Variants in RHOBTB2 observed in about 807,000 individuals in gnomAD.
RHOBTB2 encodes rho-related BTB domain-containing protein 2.
A neutral mutation model predicts 66.5 loss-of-function variants in RHOBTB2; 39 were observed. The ratio of observed to expected loss-of-function variants is 0.59; its 90% CI spans 0.45 to 0.77. The LOEUF (loss-of-function observed/expected upper bound fraction) is 0.77. Among genes scored for constraint, RHOBTB2 ranks in the 30% least tolerant of loss-of-function variants. The pLI, the probability that RHOBTB2 is intolerant of heterozygous loss-of-function variation, is 0.00. For missense variants in RHOBTB2, 755 were observed against 999.1 expected (o/e 0.76, Z 3.29); for synonymous variants, 390 against 395.0 (o/e 0.99, Z 0.15).
intron 7 of RHOBTB2, among the ~76,000 whole-genome samples, chr8:23,012,595 A>G (rs953000757): frequency 2.0e-5 from 3 of 152,188 alleles, no homozygotes; most frequent in Non-Finnish European, 2.9e-5. Context: ...TATTAAACAT[A>G]TGTTCAGGTT....
upstream of RHOBTB2, chr8:22,999,493 C>T (rs1810690493): frequency 1.0e-5 from 10 of 980,704 alleles, no homozygotes; most frequent in South Asian, 1.1e-4. Context: ...TCTTCCCCCG[C>T]CCGCCCCCTC....
chr8:22,991,065 T>C (rs1810414181), intron 1 of RHOBTB2, among the ~76,000 whole-genome samples: 1 of 152,110 alleles, frequency 6.6e-6, no homozygotes, highest in Non-Finnish European at 1.5e-5. Context: ...TAGCTTAAAA[T>C]TTGTCACTCT....
At chr8:23,011,789 G>C (rs1021693042) in intron 7 of RHOBTB2, among the ~76,000 whole-genome samples, 1 of 152,206 alleles carries the variant, frequency 6.6e-6, no homozygotes, top group Non-Finnish European at 1.5e-5. Flanking sequence ...TCTTGCATAG[G>C]TCGGGGACAG....
chr8:22,968,895 C>CA, the RHOBTB2 span, among the ~76,000 whole-genome samples: 2,387 of 138,764 alleles, frequency 0.017, 75 homozygotes, highest in African/African-American at 0.057. Context: ...AGAATAAAAG[C>CA]AAAAAAAAAA....
At chr8:23,015,575 G>T in intron 8 of RHOBTB2, 63 bp from the exon 9 acceptor site, 1 of 1,136,352 alleles carries the variant, frequency 8.8e-7, no homozygotes, top group Non-Finnish European at 1.3e-6. Context: ...GCAGCTGGAG[G>T]TGTCTATGCA....
In RHOBTB2 at chr8:23,004,458, A is replaced by C; in HGVS notation, c.24A>C (p.Glu8Asp). The C allele has an allele frequency of 1.2e-6, 2 of 1,614,170 alleles. No individual in the cohort carries two copies. The highest frequency in any genetic ancestry group is 1.7e-6 in the Non-Finnish European group (2 of 1,180,018). ...TAATGGATTCTGACATGGATTATGA[A>C]AGGCCAAACGTAGAGACCATCAAGT... MDSDMDY[E>D]RPNVETIKCV... The change falls in exon 2 of 10, where the codon GAA becomes GAC. Residue 8 changes from glutamate (E) to aspartate (D), a missense_variant. Around this residue, in one of 7 missense-constraint regions of RHOBTB2, gnomAD observed 65 missense variants for 152.4 expected, o/e 0.43. Coordinates refer to ENST00000251822, the MANE Select transcript of RHOBTB2 (RefSeq NM_015178.3). The surrounding 1 kb of genome is among the most constrained non-coding windows in gnomAD (Gnocchi z 6.4).
chr8:22,995,839 G>A (rs764194797), upstream of RHOBTB2: 46 of 1,551,378 alleles, frequency 3.0e-5, no homozygotes, highest in Middle Eastern at 5.0e-4. Context: ...GGTGGGCTCC[G>A]CAGAGGCTGT....
upstream of RHOBTB2, among the ~76,000 whole-genome samples, chr8:22,995,369 G>C (rs1341208743): frequency 6.6e-6 from 1 of 152,226 alleles, no homozygotes; most frequent in Non-Finnish European, 1.5e-5. Context: ...GGACAGAGAA[G>C]AACCCAATGA....
intron 2 of RHOBTB2, chr8:22,994,489 C>A (rs1268434214): frequency 1.4e-5 from 12 of 881,208 alleles, no homozygotes; most frequent in Non-Finnish European, 1.8e-5. Context: ...GAGTAATTCG[C>A]GGTGTGCTCA....
chr8:22,994,784 G>C (rs1266437125), upstream of RHOBTB2: 3 of 653,140 alleles, frequency 4.6e-6, no homozygotes, highest in Non-Finnish European at 5.3e-6. Context: ...TTCTTTTTGA[G>C]ACAGAGTCTC....
At chr8:23,007,916 G>C in intron 5 of RHOBTB2, 77 bp from the exon 6 acceptor site, 1 of 1,500,302 alleles carries the variant, frequency 6.7e-7, no homozygotes, top group Admixed American at 1.7e-5. Context: ...GGTTCAGGAG[G>C]AGGCTCCGTG....
chr8:22,961,959 A>C, the RHOBTB2 span, among the ~76,000 whole-genome samples: 1 of 152,210 alleles, frequency 6.6e-6, no homozygotes, highest in Non-Finnish European at 1.5e-5. Context: ...TTTGAAAAAA[A>C]ATAGATACAT....
chr8:22,960,376 T>G, the RHOBTB2 span, among the ~76,000 whole-genome samples: 1 of 145,490 alleles, frequency 6.9e-6, no homozygotes, highest in African/African-American at 2.5e-5. Context: ...TGGAGTGCAG[T>G]GGTGCCATCT....
At chr8:22,971,732 C>T in the RHOBTB2 span, among the ~76,000 whole-genome samples, 1 of 152,162 alleles carries the variant, frequency 6.6e-6, no homozygotes, top group African/African-American at 2.4e-5. Flanking sequence ...TTTCCTTCCA[C>T]CTCCCTGGCC....
chr8:22,967,693 G>A, the RHOBTB2 span, among the ~76,000 whole-genome samples: 1 of 149,752 alleles, frequency 6.7e-6, no homozygotes, highest in African/African-American at 2.5e-5. Flanking sequence ...ACAGAAAGTA[G>A]AATGGTAGTT....
At chr8:22,968,146 C>A in the RHOBTB2 span, among the ~76,000 whole-genome samples, 3 of 150,274 alleles carry the variant, frequency 2.0e-5, no homozygotes, top group Non-Finnish European at 4.4e-5. Flanking sequence ...CAGAGTGAGA[C>A]CCTGTCTCAA....
rs1194156401 is a variant in RHOBTB2, at chr8:23,004,662, C to T, written c.192+36C>T. 1.3e-6 allele frequency: 2 copies of T among 1,580,184 alleles called. No homozygotes were observed. The highest frequency in any genetic ancestry group is 1.7e-4 in the Middle Eastern group (1 of 5,860). On this transcript the variant is annotated intron_variant, in intron 2 of 9. Transcript: ENST00000251822. The surrounding 1 kb of genome is among the most constrained non-coding windows in gnomAD (Gnocchi z 6.4). Reference sequence around the variant, plus strand: ...AGGACTACCTGGCTGGGGGTCCACGCCATGAGTCTGGGCTTGGGGGCTTCC... The same window carrying T: ...AGGACTACCTGGCTGGGGGTCCACGTCATGAGTCTGGGCTTGGGGGCTTCC...
chr8:22,999,572 G>A lies in RHOBTB2; in HGVS notation c.-544G>A, dbSNP rs966749430. The A allele has an allele frequency of 4.9e-6, 6 of 1,216,432 alleles. No homozygotes were observed. The highest frequency in any genetic ancestry group is 6.3e-6 in the Non-Finnish European group (6 of 959,278). 75.4% of individuals were successfully genotyped at this position (1,216,432 alleles called of 1,614,324 possible). ...CGGGGCCCGTCACGGCTGTCGTCTTGGGTGCGATTTTTTTCTCCTCCTTTT... is the reference window on the plus strand; with the variant it reads ...CGGGGCCCGTCACGGCTGTCGTCTTAGGTGCGATTTTTTTCTCCTCCTTTT... On this transcript the variant is annotated 5_prime_UTR_variant, in exon 1 of 10. Transcript: ENST00000251822.
intron 1 of RHOBTB2, chr8:22,987,671 C>A (rs1489408881): frequency 6.6e-6 from 1 of 152,366 alleles, no homozygotes. Flanking sequence ...CAGCACTGCA[C>A]AATTTCCAGT....
Sources: gnomAD v4.1 joint callset for allele counts (sites outside exome capture counted in the v4.1 genomes callset) on GRCh38, gnomAD v4.1.1 for gene constraint, gnomAD v4.1.1 regional missense constraint, Gnocchi (gnomAD v3.1) non-coding constraint, MANE v1.5 for transcripts, NCBI Gene and HGNC (gene_info 2026-07-23, HGNC 2026-07-21) for gene names.